The following THSD7B variants were observed in gnomAD, a reference collection of about 807,000 sequenced individuals.
THSD7B encodes the protein thrombospondin type-1 domain-containing protein 7B.
In THSD7B, 138 loss-of-function variants were observed where a neutral mutation model predicts 213.6. The observed-to-expected ratio is 0.65, with a 90% CI of 0.56 to 0.74. The LOEUF is 0.74. Among genes scored for constraint, THSD7B ranks in the 30% least tolerant of loss-of-function variants. The pLI, the probability that THSD7B is intolerant of heterozygous loss-of-function variation, is 0.00. For synonymous variants in THSD7B, 742 were observed against 687.0 expected, an observed-to-expected ratio of 1.08 and a Z score of -1.25; for missense variants, 1,931 against 1,991.5, an observed-to-expected ratio of 0.97 and a Z score of 0.58.
chr2:137,313,645 T>C (rs564840511), intron 12 of THSD7B, among the ~76,000 whole-genome samples: 206 of 152,114 alleles, frequency 1.4e-3, no homozygotes, highest in African/African-American at 4.4e-3. Flanking sequence ...TGGCTGGTAC[T>C]GGTTGTTCCT....
intron 20 of THSD7B, among the ~76,000 whole-genome samples, chr2:137,626,447 G>C (rs1338256783): frequency 7.6e-6 from 1 of 132,284 alleles, no homozygotes; most frequent in African/African-American, 3.2e-5. Flanking sequence ...CTGGGCAAAA[G>C]AGCGAGACTC....
intron 12 of THSD7B, among the ~76,000 whole-genome samples, chr2:137,331,743 G>A (rs1235168117): frequency 6.6e-6 from 1 of 152,212 alleles, no homozygotes; most frequent in Non-Finnish European, 1.5e-5. Flanking sequence ...CAGGTCCCAA[G>A]CCCTGCCCCG....
intron 12 of THSD7B, among the ~76,000 whole-genome samples, chr2:137,335,366 A>G (rs529119248): frequency 3.2e-4 from 48 of 152,338 alleles, no homozygotes; most frequent in Non-Finnish European, 4.0e-4. Context: ...CAGGGGCTCT[A>G]TAAACTGATT....
chr2:137,171,709 T>A (rs75484346), intron 7 of THSD7B, among the ~76,000 whole-genome samples: 1 of 152,352 alleles, frequency 6.6e-6, no homozygotes, highest in East Asian at 1.9e-4. Context: ...TGAAGCGTTT[T>A]GAACTTATGC....
At chr2:137,387,886 A>G (rs1412356935) in intron 12 of THSD7B, among the ~76,000 whole-genome samples, 1 of 152,142 alleles carries the variant, frequency 6.6e-6, no homozygotes, top group East Asian at 1.9e-4. Context: ...GAAAACTATA[A>G]TATTGTGCTA....
chr2:136,946,410 G>A (rs1412114427), intron 2 of THSD7B, among the ~76,000 whole-genome samples: 2 of 152,156 alleles, frequency 1.3e-5, no homozygotes, highest in Non-Finnish European at 2.9e-5. Context: ...CTACTGGGAG[G>A]TGTCTCCCAG....
At position 136,998,276 on chromosome 2, in the gene THSD7B, AAAAAAG is replaced by A. The variant is rs1402914261; in HGVS notation, c.140-58140_140-58135del. On this transcript the variant is annotated intron_variant, in intron 2 of 27. Coordinates refer to ENST00000409968, the MANE Select transcript of THSD7B (RefSeq NM_001316349.2). ...ACTAAAAGGCCAAAAAAAAAAAAAA[AAAAAAG>A]AAAGAAAAAAAGAAAAGACAAGACA... is the stretch of plus-strand genomic sequence containing the variant. 1.3e-3 allele frequency among the ~76,000 whole-genome samples: 189 copies of A among 150,482 alleles called. 2 individuals carry two copies. Among genetic ancestry groups the A allele is most frequent in the Middle Eastern group, 3.4e-3 (1 of 294 alleles).
At chr2:137,254,493 C>T (rs986481174) in intron 10 of THSD7B, among the ~76,000 whole-genome samples, 3 of 152,218 alleles carry the variant, frequency 2.0e-5, no homozygotes, top group South Asian at 2.1e-4. Context: ...TATTTAGTTT[C>T]GCACTGAATT....
intron 2 of THSD7B, among the ~76,000 whole-genome samples, chr2:136,966,913 C>T (rs1420484671): frequency 6.6e-6 from 1 of 152,134 alleles, no homozygotes; most frequent in East Asian, 1.9e-4. Flanking sequence ...CTATTCTATT[C>T]TCTTTCTCTC....
At chr2:137,352,735 T>C (rs1685040611) in intron 12 of THSD7B, among the ~76,000 whole-genome samples, 1 of 152,014 alleles carries the variant, frequency 6.6e-6, no homozygotes, top group Non-Finnish European at 1.5e-5. Flanking sequence ...AGGTAACTGA[T>C]GTAGTGCTTC....
In THSD7B at chr2:137,435,520, G is replaced by A. The variant is rs558478967; in HGVS notation, c.2960-15325G>A. 3.9e-5 allele frequency among the ~76,000 whole-genome samples: 6 copies of A among 152,164 alleles called. No individual in the cohort carries two copies. In the East Asian group the frequency reaches 1.2e-3, roughly 29 times the overall value. On this transcript the variant is annotated intron_variant, in intron 14 of 27. Coordinates refer to ENST00000409968, the MANE Select transcript of THSD7B (RefSeq NM_001316349.2). ...CAGCCCCACCCAATGTCCACTGCAG[G>A]GCTTTGAGCAGGAGAAAATTAACAG...
intron 1 of THSD7B, among the ~76,000 whole-genome samples, chr2:136,859,589 A>C (rs538358357): frequency 1.2e-3 from 181 of 152,274 alleles, no homozygotes; most frequent in African/African-American, 4.2e-3. Flanking sequence ...GCAGTGATCA[A>C]ATAAGATGAG....
In THSD7B at chr2:136,882,266, C is replaced by T. The variant is rs748370242; in HGVS notation, c.88C>T (p.His30Tyr). 19 of 1,544,598 alleles carry T rather than the reference C, an allele frequency of 1.2e-5. 1 individual carries two copies. The highest frequency in any genetic ancestry group is 3.3e-4 in the Middle Eastern group (2 of 5,992). ...LFLLLSLLLS[H>Y]AAHLEGKKDN... is the part of the protein sequence containing the mutation. ...TCTATTGCTTTCTCTCTTGCTGTCCCATGCAGCTCATTTGGAAGGCAAAAA... is the reference window on the plus strand; with the variant it reads ...TCTATTGCTTTCTCTCTTGCTGTCCTATGCAGCTCATTTGGAAGGCAAAAA... The change falls in exon 2 of 28, where the codon CAT (histidine) becomes TAT (tyrosine). Residue 30 changes from histidine (H) to tyrosine (Y), a missense_variant. Coordinates refer to ENST00000409968, the MANE Select transcript of THSD7B (RefSeq NM_001316349.2).
intron 15 of THSD7B, among the ~76,000 whole-genome samples, chr2:137,476,326 G>C (rs1033459631): frequency 6.6e-6 from 1 of 151,924 alleles, no homozygotes; most frequent in Non-Finnish European, 1.5e-5. Context: ...TAATAATATG[G>C]TTCCGTTTGT....
chr2:137,103,732 A>G (rs56093939), intron 4 of THSD7B, among the ~76,000 whole-genome samples: 30,266 of 152,034 alleles, frequency 0.2, 3,261 homozygotes, highest in African/African-American at 0.26. Context: ...CAGGGGTTTC[A>G]ATCCTAGTCT....
At chr2:137,164,774 G>A (rs61265297) in intron 6 of THSD7B, among the ~76,000 whole-genome samples, 7 of 152,162 alleles carry the variant, frequency 4.6e-5, no homozygotes, top group South Asian at 2.1e-4. Flanking sequence ...GCAAACTATC[G>A]CAAGGACAAA....
At chr2:137,135,501 GA>G (rs1488579743) in intron 5 of THSD7B, among the ~76,000 whole-genome samples, 1 of 152,102 alleles carries the variant, frequency 6.6e-6, no homozygotes, top group African/African-American at 2.4e-5. Context: ...TTGATTATCA[GA>G]ATTCTTTTTT....
intron 8 of THSD7B, among the ~76,000 whole-genome samples, chr2:137,232,416 G>A (rs1681660960): frequency 6.6e-6 from 1 of 152,100 alleles, no homozygotes; most frequent in South Asian, 2.1e-4. Flanking sequence ...GCTTGATAGA[G>A]GATAGGTGTC....
intron 12 of THSD7B, among the ~76,000 whole-genome samples, chr2:137,307,228 G>A (rs781373227): frequency 8.5e-5 from 13 of 152,088 alleles, no homozygotes; most frequent in Non-Finnish European, 1.6e-4. Context: ...AGAAGTTCAA[G>A]TTGACTTTAG....
Sources: gnomAD v4.1 joint callset for allele counts (sites outside exome capture counted in the v4.1 genomes callset) on GRCh38, gnomAD v4.1.1 for gene constraint, MANE v1.5 for transcripts, NCBI Gene and HGNC (gene_info 2026-07-23, HGNC 2026-07-21) for gene names.